The following TSPAN18 variants were observed in gnomAD, a reference collection of about 807,000 sequenced individuals.
TSPAN18 encodes the protein tetraspanin-18.
In TSPAN18, 14 loss-of-function variants were observed where a neutral mutation model predicts 27.3. The observed-to-expected ratio is 0.51, with a 90% CI of 0.34 to 0.80. The LOEUF (loss-of-function observed/expected upper bound fraction) is 0.80. TSPAN18 is among the 30% of genes least tolerant of loss of function. The probability of loss-of-function intolerance (pLI) is 0.01; values close to 1 mark genes in which losing one functional copy is unlikely to be tolerated. For synonymous variants in TSPAN18, 143 were observed against 136.5 expected (o/e 1.05, Z -0.33); for missense variants, 268 against 323.9 (o/e 0.83, Z 1.32).
chr11:44,897,575 C>T (rs1037210674), intron 3 of TSPAN18, among the ~76,000 whole-genome samples: 1 of 152,192 alleles, frequency 6.6e-6, no homozygotes, highest in Admixed American at 6.5e-5. Flanking sequence ...GCCACTCCCC[C>T]GCTGGAGTGG....
chr11:44,735,242 A>C (rs1374651288), intron 1 of TSPAN18, among the ~76,000 whole-genome samples: 1 of 152,234 alleles, frequency 6.6e-6, no homozygotes, highest in Non-Finnish European at 1.5e-5. Flanking sequence ...TCCTGCATCC[A>C]GACCTCGGCT....
chr11:44,783,186 A>G lies in TSPAN18; in HGVS notation c.-153+18674A>G, dbSNP rs575064582. Among the ~76,000 whole-genome samples the G allele has an allele frequency of 2.9e-4, 44 of 152,270 alleles. No individual in the cohort carries two copies. In the South Asian group the frequency reaches 4.6e-3, roughly 16 times the overall value. ...TTTTTAAAGGAATTCTTTAATTTCT[A>G]GAAGAAAACACAGGAGAATATCTTT... is the stretch of plus-strand genomic sequence containing the variant. On this transcript the variant is annotated intron_variant, in intron 2 of 9. Coordinates refer to ENST00000520358, the MANE Select transcript of TSPAN18 (RefSeq NM_130783.5).
At chr11:44,859,780 G>A (rs1365431303) in intron 2 of TSPAN18, 3 of 152,234 alleles carry the variant, frequency 2.0e-5, no homozygotes, top group Non-Finnish European at 4.4e-5. Flanking sequence ...AGTCAGGAGA[G>A]ACCCAGAGTT....
At chr11:44,839,381 C>T (rs1857323906) in intron 2 of TSPAN18, among the ~76,000 whole-genome samples, 1 of 152,188 alleles carries the variant, frequency 6.6e-6, no homozygotes, top group Admixed American at 6.5e-5. Context: ...AATAAATGAG[C>T]ATGTGTCTGT....
intron 1 of TSPAN18, among the ~76,000 whole-genome samples, chr11:44,729,988 T>C (rs975659428): frequency 6.6e-6 from 1 of 152,180 alleles, no homozygotes; most frequent in African/African-American, 2.4e-5. Context: ...ATATGTTGGC[T>C]GAGGAGATTC....
chr11:44,903,544 A>G (rs751800620), intron 3 of TSPAN18: 20 of 456,258 alleles, frequency 4.4e-5, no homozygotes, highest in Admixed American at 1.9e-4. Context: ...GGCAGCAGGG[A>G]AGCACTGGAT....
intron 5 of TSPAN18, among the ~76,000 whole-genome samples, chr11:44,912,334 ATC>A (rs1008161012): frequency 1.2e-4 from 18 of 150,526 alleles, no homozygotes; most frequent in African/African-American, 4.2e-4. Flanking sequence ...CTTTCTCTTG[ATC>A]TCTGTTTTTA....
At chr11:44,789,446 C>A (rs1856138880) in intron 2 of TSPAN18, among the ~76,000 whole-genome samples, 2 of 152,162 alleles carry the variant, frequency 1.3e-5, no homozygotes, top group Non-Finnish European at 2.9e-5. Flanking sequence ...TGTCTTAGGA[C>A]AAGTTCCTTA....
rs148619899 is a variant in TSPAN18, at chr11:44,732,112, G to A, written c.-240+4825G>A. 1.6e-3 allele frequency among the ~76,000 whole-genome samples: 238 copies of A among 152,356 alleles called. 1 individual carries two copies. The highest frequency in any genetic ancestry group is 5.4e-3 in the African/African-American group (225 of 41,580). ...TGCTCCAAGGACGTGGGCTGGGCCC[G>A]GTCCGTGGTCTAAAGCTTTGGACCT... On this transcript the variant is annotated intron_variant, in intron 1 of 9. Coordinates refer to ENST00000520358, the MANE Select transcript of TSPAN18 (RefSeq NM_130783.5).
chr11:44,820,679 G>A (rs186431983), intron 2 of TSPAN18, among the ~76,000 whole-genome samples: 67 of 151,546 alleles, frequency 4.4e-4, no homozygotes, highest in African/African-American at 1.1e-3. Flanking sequence ...CCCCAATCTC[G>A]TGTTGAAATT....
chr11:44,788,259 C>T (rs913313210), intron 2 of TSPAN18, among the ~76,000 whole-genome samples: 17 of 152,090 alleles, frequency 1.1e-4, no homozygotes, highest in African/African-American at 4.1e-4. Context: ...CTGCACTGCT[C>T]AATGGAACTT....
At chr11:44,896,289 G>A (rs887039850) in intron 3 of TSPAN18, among the ~76,000 whole-genome samples, 4 of 152,132 alleles carry the variant, frequency 2.6e-5, no homozygotes, top group Non-Finnish European at 4.4e-5. Context: ...TTTTGACTCT[G>A]ACCCCTGAGT....
At chr11:44,878,109 G>A (rs1055426633) in intron 3 of TSPAN18, among the ~76,000 whole-genome samples, 5 of 151,774 alleles carry the variant, frequency 3.3e-5, no homozygotes, top group Admixed American at 6.6e-5. Context: ...CCATGCTTCC[G>A]GCCCCACTGA....
chr11:44,805,058 G>A (rs1326377854), intron 2 of TSPAN18, among the ~76,000 whole-genome samples: 2 of 152,224 alleles, frequency 1.3e-5, no homozygotes. Flanking sequence ...GGAATCAGGA[G>A]TGACTGGCTA....
chr11:44,774,835 A>G (rs1406029298), intron 2 of TSPAN18, among the ~76,000 whole-genome samples: 1 of 152,230 alleles, frequency 6.6e-6, no homozygotes, highest in Admixed American at 6.5e-5. Context: ...TGTTAAGACA[A>G]TAAAACAATT....
intron 3 of TSPAN18, among the ~76,000 whole-genome samples, chr11:44,881,242 TG>T (rs1231722108): frequency 1.3e-5 from 2 of 152,130 alleles, no homozygotes; most frequent in Non-Finnish European, 2.9e-5. Context: ...AAACTCCTCT[TG>T]TTATTGGTTG....
chr11:44,896,576 C>T (rs1429295632), intron 3 of TSPAN18, among the ~76,000 whole-genome samples: 2 of 152,168 alleles, frequency 1.3e-5, no homozygotes, highest in East Asian at 3.9e-4. Context: ...GCTCCCGGGG[C>T]TGTGGCCATG....
intron 1 of TSPAN18, among the ~76,000 whole-genome samples, chr11:44,739,408 A>T (rs1854876561): frequency 6.6e-6 from 1 of 152,058 alleles, no homozygotes. Flanking sequence ...AGATCACTTG[A>T]GGTTAGGAGC....
chr11:44,811,623 C>T (rs1479304613), intron 2 of TSPAN18, among the ~76,000 whole-genome samples: 1 of 152,036 alleles, frequency 6.6e-6, no homozygotes, highest in Non-Finnish European at 1.5e-5. Flanking sequence ...CCACACCTGG[C>T]TAATTTTTTT....
Sources: gnomAD v4.1 joint callset for allele counts (sites outside exome capture counted in the v4.1 genomes callset) on GRCh38, gnomAD v4.1.1 for gene constraint, MANE v1.5 for transcripts, NCBI Gene and HGNC (gene_info 2026-07-23, HGNC 2026-07-21) for gene names.